SHC2: variants seen among roughly 807,000 people sequenced by gnomAD.
SHC2 encodes the protein SHC-transforming protein 2.
SHC2 carries 62 observed loss-of-function variants against 60.6 expected under a neutral mutation model. The ratio of observed to expected loss-of-function variants is 1.02; its 90% CI spans 0.83 to 1.26. SHC2 has a LOEUF of 1.26. SHC2 is among the 50% of genes most tolerant of loss of function. The pLI, the probability that SHC2 is intolerant of heterozygous loss-of-function variation, is 0.00. For synonymous variants in SHC2, 375 were observed against 372.4 expected, an observed-to-expected ratio of 1.01 and a Z score of -0.08; for missense variants, 873 against 822.2, an observed-to-expected ratio of 1.06 and a Z score of -0.76.
Position 439,016 on chromosome 19 carries a change from C to A in SHC2, c.554G>T (p.Arg185Leu). The A allele has an allele frequency of 1.2e-5, 19 of 1,522,500 alleles. No individual in the cohort carries two copies. The highest frequency in any genetic ancestry group is 1.6e-5 in the Non-Finnish European group (18 of 1,134,204). The allele number at this position is 1,522,500 out of a possible 1,614,324, so 94.3% of individuals were successfully genotyped here. Reference sequence around the variant, plus strand: ...GACGCCAGGCACGGCCTCATGGAGCCGGTTGATGGCTTCCCTGGGGTTGGG... The same window carrying A: ...GACGCCAGGCACGGCCTCATGGAGCAGGTTGATGGCTTCCCTGGGGTTGGG... Reference protein sequence around the residue: ...RTQVTREAINRLHEAVPGVRG... With the variant: ...RTQVTREAINLLHEAVPGVRG... Residue 185 changes from arginine to leucine, a missense_variant, in exon 3 of 13, where the codon CGG becomes CTG. By Grantham distance (102) the Arg-to-Leu change is moderately radical. Transcript: ENST00000264554.
chr19:442,838 G>A (rs1158005178), intron 1 of SHC2, among the ~76,000 whole-genome samples: 7 of 142,108 alleles, frequency 4.9e-5, no homozygotes, highest in Admixed American at 2.1e-4. Context: ...TGGGTGGATG[G>A]GTGGACGGGT....
chr19:442,490 G>A (rs1974899574), intron 1 of SHC2, among the ~76,000 whole-genome samples: 2 of 118,744 alleles, frequency 1.7e-5, no homozygotes, highest in African/African-American at 3.3e-5. Context: ...TGGATGGGTG[G>A]ATGGATGGAT....
intron 6 of SHC2, 39 bp from the exon 7 acceptor site, chr19:436,330 G>A (rs1339494890): frequency 6.3e-7 from 1 of 1,588,142 alleles, no homozygotes; most frequent in Non-Finnish European, 8.6e-7. Context: ...GAGCCACACG[G>A]CCGTGCCCCC....
chr19:428,500 A>G (rs888249366), intron 9 of SHC2, among the ~76,000 whole-genome samples: 1 of 152,202 alleles, frequency 6.6e-6, no homozygotes, highest in Non-Finnish European at 1.5e-5. Flanking sequence ...TGTTTGCCCC[A>G]TGGACACAGC....
In SHC2 at chr19:422,469, G is replaced by T. The variant is rs1347109647; in HGVS notation, c.1310-13C>A. 2.0e-6 allele frequency: 3 copies of T among 1,510,622 alleles called. No homozygotes were observed. The Admixed American group carries it at 6.3e-5, about 32-fold the overall frequency. 93.6% of individuals were successfully genotyped at this position (1,510,622 alleles called of 1,614,324 possible). On this transcript the variant is annotated splice_polypyrimidine_tract_variant and intron_variant, in intron 10 of 12. Coordinates refer to ENST00000264554, the MANE Select transcript of SHC2 (RefSeq NM_012435.3). The surrounding 1 kb of genome is among the most constrained non-coding windows in gnomAD (Gnocchi z 5.0). ...TCCTCAAAGGGTCCTGCAGGCCAGG[G>T]ACAGGAGTGCTGGGCAGGCAGGGGG...
chr19:427,516 G>A (rs368917650), intron 9 of SHC2, among the ~76,000 whole-genome samples: 58 of 134,076 alleles, frequency 4.3e-4, no homozygotes, highest in African/African-American at 1.6e-3. Context: ...GGGGAATTGC[G>A]CACGGCACAG....
At chr19:439,409 G>T (rs1304545230) in intron 2 of SHC2, 1 of 289,422 alleles carries the variant, frequency 3.5e-6, no homozygotes, top group East Asian at 7.4e-5. Context: ...CAGATGTGGG[G>T]GTTGGAGCAG....
chr19:452,302 G>T (rs890325855), intron 1 of SHC2, among the ~76,000 whole-genome samples: 1 of 113,706 alleles, frequency 8.8e-6, no homozygotes, highest in Non-Finnish European at 1.8e-5. Flanking sequence ...GTACTGACTT[G>T]GGGGGAGTTC....
At chr19:427,225 A>G (rs1974438113) in intron 9 of SHC2, among the ~76,000 whole-genome samples, 1 of 152,244 alleles carries the variant, frequency 6.6e-6, no homozygotes, top group South Asian at 2.1e-4. Flanking sequence ...CAAGGCTGTT[A>G]GGAAACAGGC....
rs1974864835 is a variant in SHC2 at position 441,404 on chromosome 19, T to G, written c.469-472A>C. Among the ~76,000 whole-genome samples, 1 of 152,214 alleles carries G rather than the reference T, an allele frequency of 6.6e-6. No homozygotes were observed. The highest frequency in any genetic ancestry group is 1.5e-5 in the Non-Finnish European group (1 of 68,040). On this transcript the variant is annotated intron_variant, in intron 1 of 12. Transcript: ENST00000264554. This position sits in a 1 kb window ranked among gnomAD's most constrained non-coding sequence, Gnocchi z 4.9. ...CCTCCACAGGAAGTTTGCGGGCTTCTGGCCCAGACAGCTGTTTCCATGAAA... is the reference window on the plus strand; with the variant it reads ...CCTCCACAGGAAGTTTGCGGGCTTCGGGCCCAGACAGCTGTTTCCATGAAA...
rs1409082916 is a variant in SHC2, at chr19:446,270, A to G, written c.469-5338T>C. Among the ~76,000 whole-genome samples, 1 of 151,890 alleles carries G rather than the reference A, an allele frequency of 6.6e-6. No homozygotes were observed. The highest frequency in any genetic ancestry group is 1.5e-5 in the Non-Finnish European group (1 of 67,956). On this transcript the variant is annotated intron_variant, in intron 1 of 12. Coordinates refer to ENST00000264554, the MANE Select transcript of SHC2 (RefSeq NM_012435.3). The surrounding 1 kb of genome is among the most constrained non-coding windows in gnomAD (Gnocchi z 5.4). ...TGGGCCCCAGAACTGTGACAGAACA[A>G]GTCTATGTTTGTGTGTGTGTGTGTT...
At chr19:458,681 G>A (rs1382047105) in intron 1 of SHC2, among the ~76,000 whole-genome samples, 2 of 117,778 alleles carry the variant, frequency 1.7e-5, no homozygotes, top group African/African-American at 5.9e-5. Context: ...CCGGGGGAGG[G>A]GGAAGCGGGT....
At chr19:437,626 T>TG (rs895633692) in intron 4 of SHC2, among the ~76,000 whole-genome samples, 1 of 151,860 alleles carries the variant, frequency 6.6e-6, no homozygotes, top group African/African-American at 2.4e-5. Flanking sequence ...CCTCGCAGGG[T>TG]GGGGGCAGAG....
rs775760788 is a variant in SHC2, at chr19:438,550, C to T, written c.720+168G>A. On this transcript the variant is annotated intron_variant, in intron 4 of 12. Coordinates refer to ENST00000264554, the MANE Select transcript of SHC2 (RefSeq NM_012435.3). This position sits in a 1 kb window ranked among gnomAD's most constrained non-coding sequence, Gnocchi z 5.0. ...AGGTGGGAGCCCCTGAGCTGAGCCCCGTGAGGGCAGTGGCTGCACCCCCAG... is the reference window on the plus strand; with the variant it reads ...AGGTGGGAGCCCCTGAGCTGAGCCCTGTGAGGGCAGTGGCTGCACCCCCAG... Among the ~76,000 whole-genome samples, 82 of 152,298 alleles carry T rather than the reference C, an allele frequency of 5.4e-4. 1 individual carries two copies. Among genetic ancestry groups the T allele is most frequent in the Middle Eastern group, 3.4e-3 (1 of 294 alleles).
At chr19:427,922 C>T (rs1568283750) in intron 9 of SHC2, among the ~76,000 whole-genome samples, 2 of 149,800 alleles carry the variant, frequency 1.3e-5, no homozygotes, top group African/African-American at 4.9e-5. Flanking sequence ...GAACTGCACA[C>T]GGCACAGGAA....
At chr19:448,659 G>A (rs949961348) in intron 1 of SHC2, among the ~76,000 whole-genome samples, 1 of 152,114 alleles carries the variant, frequency 6.6e-6, no homozygotes, top group Non-Finnish European at 1.5e-5. Context: ...CCAGCACCCG[G>A]GGGCCTCCTG....
rs1955198160 is a variant in SHC2, at chr19:422,620, C to T, written c.1310-164G>A. ...ATCAGACTCGCACTCTGCCCAGCCC[C>T]GTGCGTGCGGTGGGCTCACATGTGT... is the stretch of plus-strand genomic sequence containing the variant. On this transcript the variant is annotated intron_variant, in intron 10 of 12. Transcript: ENST00000264554. This position sits in a 1 kb window ranked among gnomAD's most constrained non-coding sequence, Gnocchi z 5.0. The T allele has an allele frequency of 2.1e-5, 13 of 625,950 alleles. No homozygotes were observed. The highest frequency in any genetic ancestry group is 5.6e-5 in the East Asian group (2 of 35,652). The allele number at this position is 625,950 out of a possible 1,614,324, so 38.8% of individuals were successfully genotyped here.
chr19:452,396 C>T (rs1975223414), intron 1 of SHC2, among the ~76,000 whole-genome samples: 1 of 113,088 alleles, frequency 8.8e-6, no homozygotes, highest in Admixed American at 9.1e-5. Context: ...GTGTGCGTTT[C>T]TCCGTTTCAT....
intron 1 of SHC2, among the ~76,000 whole-genome samples, chr19:456,548 T>A (rs977613291): frequency 1.3e-5 from 2 of 151,790 alleles, no homozygotes; most frequent in Non-Finnish European, 2.9e-5. Context: ...AACTGCACAC[T>A]CTGCGCCACC....
Sources: gnomAD v4.1 joint callset for allele counts (sites outside exome capture counted in the v4.1 genomes callset) on GRCh38, gnomAD v4.1.1 for gene constraint, Gnocchi (gnomAD v3.1) non-coding constraint, MANE v1.5 for transcripts, NCBI Gene and HGNC (gene_info 2026-07-23, HGNC 2026-07-21) for gene names.